The following NRG1 variants were observed in gnomAD, a reference collection of about 807,000 sequenced individuals.
The protein encoded by NRG1 is pro-neuregulin-1, membrane-bound isoform.
Under a neutral mutation model 63.8 loss-of-function variants are expected in NRG1, and 18 were observed. That is an observed-to-expected ratio of 0.28 (90% CI 0.19 to 0.42). The LOEUF (loss-of-function observed/expected upper bound fraction) is 0.42. Among genes scored for constraint, NRG1 ranks in the 10% least tolerant of loss-of-function variants. The probability of loss-of-function intolerance (pLI) is 1.00; values close to 1 mark genes in which losing one functional copy is unlikely to be tolerated. For synonymous variants in NRG1, 302 were observed against 301.3 expected, an observed-to-expected ratio of 1.00 and a Z score of -0.02; for missense variants, 762 against 814.7, an observed-to-expected ratio of 0.94 and a Z score of 0.79.
chr8:32,372,613 C>T (rs1485613042), intron 1 of NRG1, among the ~76,000 whole-genome samples: 1 of 152,070 alleles, frequency 6.6e-6, no homozygotes, highest in Non-Finnish European at 1.5e-5. Flanking sequence ...GCAATGGACA[C>T]AACAGTCTAA....
At chr8:32,233,563 A>ATATATATATATAT (rs34593729) in intron 1 of NRG1, among the ~76,000 whole-genome samples, 76 of 67,236 alleles carry the variant, frequency 1.1e-3, no homozygotes, top group South Asian at 4.8e-3. Context: ...ATATATATAT[A>ATATATATATATAT]TTTTTTTTTT....
intron 6 of NRG1, 169 bp downstream of exon 6, chr8:32,728,247 C>T (rs1822753930): frequency 4.3e-5 from 42 of 985,340 alleles, no homozygotes; most frequent in Non-Finnish European, 5.1e-5. Flanking sequence ...GTCATCACTC[C>T]TCTGTCATAT....
Position 32,605,513 on chromosome 8 carries a change from T to C in NRG1, c.279-49T>C, listed in dbSNP as rs748946413. The C allele has an allele frequency of 3.1e-6, 5 of 1,605,282 alleles. No individual in the cohort carries two copies. In the East Asian group the frequency reaches 6.7e-5, roughly 22 times the overall value. The stretch of plus-strand genomic sequence containing the variant: ...ATAGAAAAGTATGTATTTATATTTG[T>C]TGGATTTCTGTGATATATACTGACA... On this transcript the variant is annotated intron_variant, in intron 2 of 11. Coordinates refer to ENST00000356819, the Ensembl canonical transcript of NRG1.
intron 1 of NRG1, among the ~76,000 whole-genome samples, chr8:31,948,679 T>C (rs1292498978): frequency 3.3e-5 from 5 of 152,232 alleles, no homozygotes; most frequent in Non-Finnish European, 7.3e-5. Context: ...ATGAGATGGC[T>C]GAAACCTGTT....
intron 1 of NRG1, among the ~76,000 whole-genome samples, chr8:32,289,796 T>C (rs528125245): frequency 1.3e-5 from 2 of 152,336 alleles, no homozygotes; most frequent in Non-Finnish European, 2.9e-5. Flanking sequence ...TTAAGTTCTT[T>C]TAAAGTTCTC....
chr8:31,719,856 G>A (rs1443612892), intron 1 of NRG1, among the ~76,000 whole-genome samples: 1 of 151,182 alleles, frequency 6.6e-6, no homozygotes, highest in Non-Finnish European at 1.5e-5. Flanking sequence ...TTTTTTTAGT[G>A]AAGACAAATG....
intron 1 of NRG1, among the ~76,000 whole-genome samples, chr8:32,163,517 G>A (rs1380363866): frequency 1.3e-5 from 2 of 152,312 alleles, no homozygotes; most frequent in African/African-American, 4.8e-5. Context: ...GAAAAAGAAC[G>A]TGGGGAAAAG....
Position 32,062,070 on chromosome 8 carries a change from C to T in NRG1, c.37+422639C>T, listed in dbSNP as rs1420834729. ...AAGTTCTCCTCAGTTCATGCACTTT[C>T]GAGGCATGTCAGTTGGAAAAAGAGC... is the stretch of plus-strand genomic sequence containing the variant. On this transcript the variant is annotated intron_variant, in intron 1 of 10. Coordinates refer to the NRG1 transcript ENST00000519301. 1.3e-4 allele frequency among the ~76,000 whole-genome samples: 19 copies of T among 151,922 alleles called. 1 individual carries two copies. Among genetic ancestry groups the T allele is most frequent in the Non-Finnish European group, 2.6e-4 (18 of 67,958 alleles).
intron 1 of NRG1, among the ~76,000 whole-genome samples, chr8:32,209,345 A>G (rs1844416979): frequency 6.6e-6 from 1 of 152,240 alleles, no homozygotes; most frequent in South Asian, 2.1e-4. Context: ...TGAAAGGACA[A>G]GGAAAACCTA....
At chr8:32,563,745 A>G (rs1588335618) in intron 1 of NRG1, among the ~76,000 whole-genome samples, 1 of 152,032 alleles carries the variant, frequency 6.6e-6, no homozygotes, top group South Asian at 2.1e-4. Context: ...TCTATAGCTG[A>G]TACTTCCATT....
chr8:32,652,728 T>TA (rs67132105), intron 5 of NRG1, among the ~76,000 whole-genome samples: 3,849 of 151,784 alleles, frequency 0.025, 240 homozygotes, highest in East Asian at 0.24. Context: ...ATCAAATTTT[T>TA]ACCTTCTTCT....
chr8:31,851,616 T>C (rs1438672074), intron 1 of NRG1, among the ~76,000 whole-genome samples: 1 of 152,072 alleles, frequency 6.6e-6, no homozygotes, highest in Non-Finnish European at 1.5e-5. Flanking sequence ...AATTAATTTA[T>C]TATTATTATA....
Position 32,593,361 on chromosome 8 carries a change from T to C in NRG1, c.101-2467T>C, listed in dbSNP as rs143047315. 2.3e-4 allele frequency among the ~76,000 whole-genome samples: 35 copies of C among 152,260 alleles called. No homozygotes were observed. In the East Asian group the frequency reaches 2.9e-3, roughly 13 times the overall value. On this transcript the variant is annotated intron_variant, in intron 1 of 11. Coordinates refer to ENST00000356819, the Ensembl canonical transcript of NRG1. ...CATGTAGCACCGGCAGATTTGTTTC[T>C]TTAAAACCCTTCACCAGGCCATTGG...
chr8:32,332,791 T>A (rs16879137), intron 1 of NRG1, among the ~76,000 whole-genome samples: 14,536 of 152,202 alleles, frequency 0.096, 967 homozygotes, highest in African/African-American at 0.18. Flanking sequence ...GGCCTCTCTG[T>A]CATATGCAAG....
Position 32,479,612 on chromosome 8 carries a change from T to G in NRG1, c.38-116216T>G, listed in dbSNP as rs142966280. On this transcript the variant is annotated intron_variant, in intron 1 of 10. Coordinates refer to the NRG1 transcript ENST00000519301. ...GTCAGATACTCAAAGGTTTAGAGCC[T>G]CTTAACCCTTATATTTCTTTACATA... Among the ~76,000 whole-genome samples the G allele has an allele frequency of 4.4e-3, 663 of 152,254 alleles. 3 individuals carry two copies. Among genetic ancestry groups the G allele is most frequent in the African/African-American group, 0.015 (638 of 41,556 alleles).
chr8:32,752,233 T>C (rs1275330114), intron 7 of NRG1, among the ~76,000 whole-genome samples: 1 of 152,138 alleles, frequency 6.6e-6, no homozygotes, highest in Admixed American at 6.5e-5. Flanking sequence ...TTCTTAGACA[T>C]GTATCCTAAA....
rs899008 is a variant in NRG1 at position 32,064,281 on chromosome 8, T to A, written c.37+424850T>A. ...TAAGAATTATAAGGTCAAGATGGGA[T>A]GGAGATTCTGGACCTGGTACAAGGA... is the stretch of plus-strand genomic sequence containing the variant. On this transcript the variant is annotated intron_variant, in intron 1 of 10. Coordinates refer to the NRG1 transcript ENST00000519301. 4.3e-3 allele frequency among the ~76,000 whole-genome samples: 659 copies of A among 152,202 alleles called. 4 individuals carry two copies. The highest frequency in any genetic ancestry group is 0.015 in the African/African-American group (628 of 41,492).
chr8:32,048,467 A>AGG (rs1821441757), intron 1 of NRG1, among the ~76,000 whole-genome samples: 1 of 116,750 alleles, frequency 8.6e-6, no homozygotes, highest in East Asian at 3.8e-4. Flanking sequence ...ATATATATAT[A>AGG]TATATATATA....
At chr8:31,890,143 A>T (rs1831036609) in intron 1 of NRG1, among the ~76,000 whole-genome samples, 1 of 152,178 alleles carries the variant, frequency 6.6e-6, no homozygotes, top group Non-Finnish European at 1.5e-5. Flanking sequence ...CACTGTGAAC[A>T]AAAATGTCTC....
Sources: allele counts gnomAD v4.1 joint callset (sites outside exome capture counted in the v4.1 genomes callset), GRCh38; gene constraint gnomAD v4.1.1; transcripts MANE v1.5; gene names NCBI Gene and HGNC (gene_info 2026-07-23, HGNC 2026-07-21).